Variants in FHIT observed in about 807,000 individuals in gnomAD.
FHIT encodes the protein bis(5'-adenosyl)-triphosphatase.
A neutral mutation model predicts 17.9 loss-of-function variants in FHIT; 19 were observed. The observed-to-expected ratio is 1.06, with a 90% CI of 0.74 to 1.56. The LOEUF (loss-of-function observed/expected upper bound fraction) is 1.56. Ranked by LOEUF, FHIT falls within the 40% of genes most tolerant of loss-of-function variation. The pLI, the probability that FHIT is intolerant of heterozygous loss-of-function variation, is 0.00. For missense variants in FHIT, 248 were observed against 189.2 expected, an observed-to-expected ratio of 1.31 and a Z score of -1.82; for synonymous variants, 81 against 69.7, an observed-to-expected ratio of 1.16 and a Z score of -0.81.
At chr3:60,261,569 C>A (rs987542113) in intron 5 of FHIT, among the ~76,000 whole-genome samples, 9 of 151,970 alleles carry the variant, frequency 5.9e-5, no homozygotes, top group Non-Finnish European at 1.0e-4. Flanking sequence ...TAAAAAGAAA[C>A]CAGCCTGATG....
intron 5 of FHIT, among the ~76,000 whole-genome samples, chr3:60,391,493 C>T (rs1010780738): frequency 6.6e-6 from 1 of 152,170 alleles, no homozygotes; most frequent in African/African-American, 2.4e-5. Context: ...CACTTATGTA[C>T]TGACTCATCC....
At chr3:59,806,222 G>T (rs548713371) in intron 8 of FHIT, among the ~76,000 whole-genome samples, 1 of 152,114 alleles carries the variant, frequency 6.6e-6, no homozygotes, top group African/African-American at 2.4e-5. Context: ...CATGAAAATG[G>T]ATGTTGTAAA....
At chr3:61,153,866 G>A (rs2037462343) in intron 2 of FHIT, among the ~76,000 whole-genome samples, 1 of 152,118 alleles carries the variant, frequency 6.6e-6, no homozygotes, top group South Asian at 2.1e-4. Context: ...TTGTTAGCAA[G>A]TCTTGATATT....
intron 5 of FHIT, among the ~76,000 whole-genome samples, chr3:60,039,774 G>T (rs1701362221): frequency 6.6e-6 from 1 of 152,194 alleles, no homozygotes; most frequent in Admixed American, 6.5e-5. Context: ...TCCAATGGAA[G>T]ATCTTAGAAC....
chr3:61,058,298 G>T (rs1038730184), intron 2 of FHIT, among the ~76,000 whole-genome samples: 2 of 152,178 alleles, frequency 1.3e-5, no homozygotes, highest in Admixed American at 1.3e-4. Flanking sequence ...CATATTCCAT[G>T]ATAGTTTCCA....
chr3:60,059,583 G>T (rs1233576023), intron 5 of FHIT, among the ~76,000 whole-genome samples: 1 of 152,076 alleles, frequency 6.6e-6, no homozygotes, highest in Admixed American at 6.6e-5. Flanking sequence ...TTCCACTCCT[G>T]CTCTAAAACT....
chr3:59,944,909 T>C (rs778703228), intron 7 of FHIT, among the ~76,000 whole-genome samples: 3 of 152,216 alleles, frequency 2.0e-5, no homozygotes, highest in Admixed American at 1.3e-4. Context: ...TAGTACATTT[T>C]CTTTGTCCAG....
intron 3 of FHIT, among the ~76,000 whole-genome samples, chr3:61,025,209 C>G (rs775975304): frequency 2.6e-5 from 4 of 152,182 alleles, no homozygotes; most frequent in African/African-American, 4.8e-5. Flanking sequence ...CCAAACCACA[C>G]AGGACTTATA....
At chr3:60,058,651 T>A (rs915116398) in intron 5 of FHIT, among the ~76,000 whole-genome samples, 4 of 152,198 alleles carry the variant, frequency 2.6e-5, no homozygotes, top group South Asian at 4.1e-4. Flanking sequence ...TTTCTTAGAA[T>A]TGACTCCCAC....
chr3:60,285,791 C>T (rs746522395), intron 5 of FHIT, among the ~76,000 whole-genome samples: 7 of 152,068 alleles, frequency 4.6e-5, no homozygotes, highest in South Asian at 2.1e-4. Context: ...GACACACAGT[C>T]GATGTACATA....
intron 2 of FHIT, among the ~76,000 whole-genome samples, chr3:61,080,132 T>A (rs544825140): frequency 6.6e-6 from 1 of 152,260 alleles, no homozygotes; most frequent in South Asian, 2.1e-4. Flanking sequence ...ATTTGGTAAG[T>A]TTTAGAGCCT....
At chr3:60,565,290 T>A (rs566409690) in intron 4 of FHIT, among the ~76,000 whole-genome samples, 1 of 152,080 alleles carries the variant, frequency 6.6e-6, no homozygotes, top group Non-Finnish European at 1.5e-5. Context: ...ACCCATAATA[T>A]CTTTGAGGTA....
intron 8 of FHIT, among the ~76,000 whole-genome samples, chr3:59,812,919 G>A (rs1700458025): frequency 6.6e-6 from 1 of 152,138 alleles, no homozygotes; most frequent in Non-Finnish European, 1.5e-5. Flanking sequence ...ACTACGCTCA[G>A]TAATTAAATT....
intron 5 of FHIT, among the ~76,000 whole-genome samples, chr3:60,216,989 T>C (rs532789880): frequency 6.6e-6 from 1 of 152,076 alleles, no homozygotes; most frequent in Non-Finnish European, 1.5e-5. Context: ...TCCGAGAATA[T>C]AAAAATGAGC....
chr3:60,892,977 A>G (rs1324478923), intron 3 of FHIT, among the ~76,000 whole-genome samples: 1 of 152,200 alleles, frequency 6.6e-6, no homozygotes, highest in African/African-American at 2.4e-5. Context: ...GATTTTCTGC[A>G]ATGGGTACAT....
At chr3:60,557,238 C>T (rs920214891) in intron 4 of FHIT, among the ~76,000 whole-genome samples, 1 of 152,150 alleles carries the variant, frequency 6.6e-6, no homozygotes, top group African/African-American at 2.4e-5. Flanking sequence ...AGTGATGGAG[C>T]CGAGATTTGT....
At chr3:60,033,648 C>G (rs1185130942) in intron 5 of FHIT, among the ~76,000 whole-genome samples, 1 of 152,112 alleles carries the variant, frequency 6.6e-6, no homozygotes, top group Non-Finnish European at 1.5e-5. Context: ...AATATTTCAG[C>G]AAAAACTCAA....
chr3:60,141,334 C>G, intron 5 of FHIT, among the ~76,000 whole-genome samples: 1 of 151,278 alleles, frequency 6.6e-6, no homozygotes, highest in East Asian at 1.9e-4. Context: ...ACAGTTTCCT[C>G]CTAAGATTGT....
intron 3 of FHIT, among the ~76,000 whole-genome samples, chr3:60,864,993 A>G (rs1704094381): frequency 6.6e-6 from 1 of 152,120 alleles, no homozygotes; most frequent in Non-Finnish European, 1.5e-5. Context: ...CAGCTTCTGA[A>G]TCGCCTTAGT....
Sources: allele counts gnomAD v4.1 joint callset (sites outside exome capture counted in the v4.1 genomes callset), GRCh38; gene constraint gnomAD v4.1.1; transcripts MANE v1.5; gene names NCBI Gene and HGNC (gene_info 2026-07-23, HGNC 2026-07-21).